SPOPL: variants seen among roughly 807,000 people sequenced by gnomAD.
The protein encoded by SPOPL is speckle type BTB/POZ protein like.
Under a neutral mutation model 53.8 loss-of-function variants are expected in SPOPL, and 23 were observed. That is an observed-to-expected ratio of 0.43 (90% CI 0.31 to 0.61). The LOEUF (loss-of-function observed/expected upper bound fraction) is 0.61, where lower values mean the gene tolerates loss of function less well. SPOPL is among the 20% of genes least tolerant of loss of function. The pLI, the probability that SPOPL is intolerant of heterozygous loss-of-function variation, is 0.12. For synonymous variants in SPOPL, 164 were observed against 149.7 expected (o/e 1.10, Z -0.70); for missense variants, 442 against 466.9 (o/e 0.95, Z 0.49).
chr2:138,548,703 A>G (rs1197950218), intron 1 of SPOPL, among the ~76,000 whole-genome samples: 1 of 152,100 alleles, frequency 6.6e-6, no homozygotes, highest in Non-Finnish European at 1.5e-5. Context: ...TGTGCTATAT[A>G]CATTTCAGAT....
chr2:138,563,091 A>G (rs1011597081), intron 8 of SPOPL, among the ~76,000 whole-genome samples: 1 of 152,238 alleles, frequency 6.6e-6, no homozygotes, highest in Non-Finnish European at 1.5e-5. Flanking sequence ...CTATATAAAG[A>G]ATTCTCAAAA....
intron 9 of SPOPL, 23 bp downstream of exon 9, chr2:138,564,873 T>C (rs767950049): frequency 2.5e-6 from 4 of 1,613,860 alleles, no homozygotes; most frequent in Non-Finnish European, 3.4e-6. Flanking sequence ...TGTATTTCAG[T>C]GGGCATGACA....
chr2:138,559,252 A>T, intron 6 of SPOPL, 30 bp from the exon 7 acceptor site: 1 of 1,611,650 alleles, frequency 6.2e-7, no homozygotes. Context: ...GCATTTATGC[A>T]TAAAATAATG....
At chr2:138,544,508 C>T (rs915755266) in intron 1 of SPOPL, among the ~76,000 whole-genome samples, 20 of 152,212 alleles carry the variant, frequency 1.3e-4, no homozygotes, top group African/African-American at 4.6e-4. Flanking sequence ...GAGCGAGGCT[C>T]CCTGGGCGTT....
At chr2:138,546,056 A>C (rs1349399379) in intron 1 of SPOPL, among the ~76,000 whole-genome samples, 1 of 152,154 alleles carries the variant, frequency 6.6e-6, no homozygotes, top group African/African-American at 2.4e-5. Flanking sequence ...ATTGTTTGAC[A>C]TGTGATTCTT....
intron 1 of SPOPL, among the ~76,000 whole-genome samples, chr2:138,523,395 A>C (rs1487917653): frequency 7.9e-5 from 12 of 152,194 alleles, no homozygotes; most frequent in Non-Finnish European, 1.6e-4. Flanking sequence ...GATTTGTGTG[A>C]GGACACAGAG....
Position 138,569,320 on chromosome 2 carries a change from A to G in SPOPL, c.*240A>G, listed in dbSNP as rs1321936897. The G allele has an allele frequency of 7.6e-6, 3 of 397,040 alleles. No homozygotes were observed. Among genetic ancestry groups the G allele is most frequent in the Non-Finnish European group, 1.3e-5 (3 of 224,602 alleles). 24.6% of individuals were successfully genotyped at this position (397,040 alleles called of 1,614,324 possible). A position where few individuals can be genotyped will look rare whatever the true frequency, so the allele number is the denominator to read the frequency against. On this transcript the variant is annotated 3_prime_UTR_variant, in exon 11 of 11. Transcript: ENST00000280098. ...ATCTTCAATGACTTGTCTTGTTCATATAATACTTTAATTTTTTTTTATTGT... is the reference window on the plus strand; with the variant it reads ...ATCTTCAATGACTTGTCTTGTTCATGTAATACTTTAATTTTTTTTTATTGT...
chr2:138,529,529 T>TGCGCGC (rs1181881955), intron 1 of SPOPL, among the ~76,000 whole-genome samples: 11 of 133,718 alleles, frequency 8.2e-5, no homozygotes, highest in Non-Finnish European at 1.9e-4. Context: ...TGTGTGTGTG[T>TGCGCGC]GTGTGTTTGC....
At chr2:138,519,898 A>G (rs1684520504) in intron 1 of SPOPL, among the ~76,000 whole-genome samples, 1 of 152,232 alleles carries the variant, frequency 6.6e-6, no homozygotes, top group African/African-American at 2.4e-5. Flanking sequence ...TTAATTCTGT[A>G]TGGGTGGCAT....
chr2:138,545,473 G>A (rs972117821), intron 1 of SPOPL, among the ~76,000 whole-genome samples: 8 of 150,788 alleles, frequency 5.3e-5, no homozygotes, highest in East Asian at 2.0e-4. Context: ...TTGCTCTGTC[G>A]CCCAGGCTGG....
rs1249194391 is a variant in SPOPL, at chr2:138,533,911, T to C, written c.-60-16246T>C. On this transcript the variant is annotated intron_variant, in intron 1 of 10. Coordinates refer to ENST00000280098, the MANE Select transcript of SPOPL (RefSeq NM_001001664.3). ...GCTACCTCCTAGAAGATGAATGAGC[T>C]GATTGCAGATGACAATGAAAGACGT... Among the ~76,000 whole-genome samples the C allele has an allele frequency of 5.3e-5, 8 of 152,308 alleles. No individual in the cohort carries two copies. The East Asian group carries it at 1.5e-3, about 29-fold the overall frequency.
At chr2:138,538,974 C>G (rs1000663151) in intron 1 of SPOPL, among the ~76,000 whole-genome samples, 3 of 152,072 alleles carry the variant, frequency 2.0e-5, no homozygotes, top group African/African-American at 7.2e-5. Context: ...GTTCAATTTT[C>G]CACCTATGAG....
chr2:138,559,010 C>CT lies in SPOPL; in HGVS notation c.481-6dup. The CT allele has an allele frequency of 6.5e-7, 1 of 1,549,004 alleles. No homozygotes were observed. The highest frequency in any genetic ancestry group is 8.7e-7 in the Non-Finnish European group (1 of 1,152,396). On this transcript the variant is annotated splice_polypyrimidine_tract_variant and intron_variant, in intron 5 of 10. Coordinates refer to ENST00000280098, the MANE Select transcript of SPOPL (RefSeq NM_001001664.3). ...TGTGAAAGTGTTTTTCTTGCTGTCC[C>CT]TTTTTTATTAGGTGAGTGTGGTCCA...
chr2:138,520,682 A>G (rs1367617380), intron 1 of SPOPL, among the ~76,000 whole-genome samples: 1 of 152,178 alleles, frequency 6.6e-6, no homozygotes, highest in African/African-American at 2.4e-5. Context: ...TCAATGAATA[A>G]GAGAGAAAGA....
At chr2:138,537,371 T>G (rs1684959525) in intron 1 of SPOPL, among the ~76,000 whole-genome samples, 1 of 152,088 alleles carries the variant, frequency 6.6e-6, no homozygotes, top group Admixed American at 6.6e-5. Flanking sequence ...GGGGGCTGCA[T>G]GCACCGGTAA....
At chr2:138,524,800 T>TA (rs1684634002) in intron 1 of SPOPL, among the ~76,000 whole-genome samples, 1 of 152,242 alleles carries the variant, frequency 6.6e-6, no homozygotes, top group Non-Finnish European at 1.5e-5. Flanking sequence ...TCCATATCAT[T>TA]ATTAGCATTT....
chr2:138,543,683 T>G (rs1377139045), intron 1 of SPOPL, among the ~76,000 whole-genome samples: 1 of 152,142 alleles, frequency 6.6e-6, no homozygotes, highest in Non-Finnish European at 1.5e-5. Flanking sequence ...GGTTTGAACT[T>G]CCTCCTTTAG....
intron 1 of SPOPL, among the ~76,000 whole-genome samples, chr2:138,524,971 G>T (rs1684638058): frequency 6.6e-6 from 1 of 151,944 alleles, no homozygotes; most frequent in Non-Finnish European, 1.5e-5. Flanking sequence ...TCCAGTCTCT[G>T]CCTGTTACCC....
rs1233902802 is a variant in SPOPL at position 138,569,737 on chromosome 2, A to G, written c.*657A>G. 6.6e-6 allele frequency: 1 copy of G among 152,434 alleles called. No homozygotes were observed. The highest frequency in any genetic ancestry group is 1.9e-4 in the East Asian group (1 of 5,196). The allele number at this position is 152,434 out of a possible 1,614,324, so 9.4% of individuals were successfully genotyped here. The stretch of plus-strand genomic sequence containing the variant: ...GTCCAACAAACTGTGGGTTTATTCT[A>G]AGTTTACAATTATTGAGAACTGATT... On this transcript the variant is annotated 3_prime_UTR_variant, in exon 11 of 11. Transcript: ENST00000280098.
Sources: allele counts gnomAD v4.1 joint callset (sites outside exome capture counted in the v4.1 genomes callset), GRCh38; gene constraint gnomAD v4.1.1; transcripts MANE v1.5; gene names NCBI Gene and HGNC (gene_info 2026-07-23, HGNC 2026-07-21).